ZDHHC11B: variants seen among roughly 807,000 people sequenced by gnomAD.
ZDHHC11B encodes zDHHC palmitoyltransferase 11B (putative), also known as probable palmitoyltransferase ZDHHC11B.
Under a neutral mutation model 42.3 loss-of-function variants are expected in ZDHHC11B, and 17 were observed. The observed-to-expected ratio is 0.40, with a 90% CI of 0.27 to 0.60. The LOEUF is 0.60. ZDHHC11B is among the 20% of genes least tolerant of loss of function. ZDHHC11B has a pLI of 0.41. For missense variants in ZDHHC11B, 262 were observed against 463.2 expected (o/e 0.57, Z 3.99); for synonymous variants, 123 against 193.5 (o/e 0.64, Z 3.02).
intron 6 of ZDHHC11B, among the ~76,000 whole-genome samples, chr5:753,588 G>C (rs1470062036): frequency 2.4e-3 from 350 of 145,840 alleles, no homozygotes; most frequent in African/African-American, 8.3e-3. Flanking sequence ...AGTCCAGAAG[G>C]AAGTGGCACC....
At chr5:784,479 G>A (rs576991072) in intron 1 of ZDHHC11B, among the ~76,000 whole-genome samples, 189 bp downstream of exon 1, 30 of 152,360 alleles carry the variant, frequency 2.0e-4, no homozygotes, top group African/African-American at 6.0e-4. Context: ...CACCGAGCCC[G>A]CAGCGCCGAA....
chr5:731,669 T>C (rs1743028619), intron 11 of ZDHHC11B, among the ~76,000 whole-genome samples: 1 of 151,956 alleles, frequency 6.6e-6, no homozygotes, highest in East Asian at 1.9e-4. Context: ...TTTCATTCTT[T>C]TACTGGTGAC....
rs182359100 is a variant in ZDHHC11B at position 748,093 on chromosome 5, T to C, written c.784+311A>G. The C allele has an allele frequency of 4.8e-4, 245 of 514,846 alleles. 2 individuals carry two copies. In the East Asian group the frequency reaches 9.8e-3, roughly 21 times the overall value. 31.9% of individuals were successfully genotyped at this position (514,846 alleles called of 1,614,324 possible). On this transcript the variant is annotated intron_variant, in intron 8 of 13. Coordinates refer to ENST00000508859, the MANE Select transcript of ZDHHC11B (RefSeq NM_001351303.2). ...TTGCCTAATAGATTCCATTCCATTT[T>C]CTCTGAACATTTTAAACTTGTTACT...
intron 1 of ZDHHC11B, among the ~76,000 whole-genome samples, chr5:775,592 G>A (rs1561202629): frequency 6.6e-6 from 1 of 151,862 alleles, no homozygotes; most frequent in Non-Finnish European, 1.5e-5. Flanking sequence ...TGCCTGGCAG[G>A]AGCCGATGCT....
At chr5:730,984 C>T (rs1168686036) in intron 11 of ZDHHC11B, among the ~76,000 whole-genome samples, 1 of 151,942 alleles carries the variant, frequency 6.6e-6, no homozygotes, top group Non-Finnish European at 1.5e-5. Flanking sequence ...ATTTCTTGTT[C>T]CAACGCCCCA....
intron 4 of ZDHHC11B, among the ~76,000 whole-genome samples, chr5:766,044 C>T (rs1459243326): frequency 2.0e-5 from 3 of 151,890 alleles, no homozygotes; most frequent in Admixed American, 6.6e-5. Flanking sequence ...ACATCCATGT[C>T]TCAGTGACCC....
rs1741640770 is a variant in ZDHHC11B at position 714,966 on chromosome 5, C to T, written c.*7+1835G>A. Among the ~76,000 whole-genome samples, 2 of 151,280 alleles carry T rather than the reference C, an allele frequency of 1.3e-5. 1 individual carries two copies. The highest frequency in any genetic ancestry group is 4.2e-4 in the South Asian group (2 of 4,774). On this transcript the variant is annotated intron_variant, in intron 13 of 13. Transcript: ENST00000508859. ...AAAGGGCCTGGAGCCTCCCCCAGCC[C>T]TTCGCCTCCTCTCTCTCCATGTGAT...
intron 12 of ZDHHC11B, among the ~76,000 whole-genome samples, chr5:720,232 T>TTG (rs1742083261): frequency 1.3e-5 from 2 of 151,798 alleles, no homozygotes; most frequent in South Asian, 4.2e-4. Flanking sequence ...TACAGTTAGA[T>TTG]TGTCAAGGCA....
chr5:728,352 CTTTGACT>C (rs1277386942), intron 12 of ZDHHC11B, among the ~76,000 whole-genome samples: 3 of 151,892 alleles, frequency 2.0e-5, no homozygotes, highest in Non-Finnish European at 2.9e-5. Flanking sequence ...TGCAAATGCC[CTTTGACT>C]TTTAAGTGTT....
At chr5:748,686 C>T (rs1444159249) in intron 7 of ZDHHC11B, 127 bp from the exon 8 acceptor site, 6 of 1,104,492 alleles carry the variant, frequency 5.4e-6, no homozygotes, top group African/African-American at 1.5e-5. Context: ...GGGATGCCTC[C>T]CTGCCCTGGT....
At chr5:727,887 A>C (rs1179540092) in intron 12 of ZDHHC11B, among the ~76,000 whole-genome samples, 2 of 151,810 alleles carry the variant, frequency 1.3e-5, no homozygotes, top group African/African-American at 4.8e-5. Context: ...CCCTGGAGTA[A>C]GAAAGACTTT....
intron 1 of ZDHHC11B, among the ~76,000 whole-genome samples, chr5:773,361 G>C (rs1180497325): frequency 6.6e-6 from 1 of 151,866 alleles, no homozygotes; most frequent in African/African-American, 2.4e-5. Flanking sequence ...TTCACCGTGA[G>C]GGAAAAGAAG....
intron 9 of ZDHHC11B, among the ~76,000 whole-genome samples, chr5:743,170 C>T: frequency 6.7e-6 from 1 of 149,000 alleles, no homozygotes; most frequent in Non-Finnish European, 1.5e-5. Context: ...AGTCAATTGA[C>T]CATAAATGAA....
At chr5:765,928 G>GT (rs1358753693) in intron 4 of ZDHHC11B, among the ~76,000 whole-genome samples, 1 of 151,920 alleles carries the variant, frequency 6.6e-6, no homozygotes, top group Non-Finnish European at 1.5e-5. Context: ...TCCCCACTGA[G>GT]GAAGGCTCTA....
chr5:736,959 C>T lies in ZDHHC11B; in HGVS notation c.936-3120G>A, dbSNP rs1408132570. Among the ~76,000 whole-genome samples, 11 of 137,546 alleles carry T rather than the reference C, an allele frequency of 8.0e-5. 1 individual carries two copies. Among genetic ancestry groups the T allele is most frequent in the African/African-American group, 1.9e-4 (7 of 37,146 alleles). 90.2% of individuals were successfully genotyped at this position (137,546 alleles called of 152,430 possible). ...AAACCCAACAGAAGAAAAGTAATAA[C>T]GAACATCAGAGCAGAACTAAATGAA... On this transcript the variant is annotated intron_variant, in intron 10 of 13. Coordinates refer to ENST00000508859, the MANE Select transcript of ZDHHC11B (RefSeq NM_001351303.2).
intron 1 of ZDHHC11B, among the ~76,000 whole-genome samples, chr5:773,458 C>T (rs1226491919): frequency 1.3e-5 from 2 of 151,910 alleles, no homozygotes; most frequent in East Asian, 1.9e-4. Context: ...ACCATCTCCA[C>T]GTGTGTGCCC....
rs546439748 is a variant in ZDHHC11B, at chr5:773,649, C to T, written c.-229-4719G>A. On this transcript the variant is annotated intron_variant, in intron 1 of 13. Transcript: ENST00000508859. ...GCCAGCACCTCCCTGGTAGGAGGGA[C>T]GTGCCCAGCCCTGCCCCGACCCAGG... Among the ~76,000 whole-genome samples, 558 of 151,830 alleles carry T rather than the reference C, an allele frequency of 3.7e-3. 14 individuals carry two copies. Among genetic ancestry groups the T allele is most frequent in the African/African-American group, 0.013 (536 of 41,304 alleles).
Position 784,373 on chromosome 5 carries a change from G to A in ZDHHC11B, c.-230+295C>T, listed in dbSNP as rs1331780460. Among the ~76,000 whole-genome samples the A allele has an allele frequency of 5.9e-5, 9 of 152,084 alleles. No homozygotes were observed. In the East Asian group the frequency reaches 1.7e-3, roughly 29 times the overall value. On this transcript the variant is annotated intron_variant, in intron 1 of 13. Transcript: ENST00000508859. ...GCCGCGAAGAAAGGCCAAAGCGCCAGGCACAGGGCCCGGAGAAAGTGACAG... is the reference window on the plus strand; with the variant it reads ...GCCGCGAAGAAAGGCCAAAGCGCCAAGCACAGGGCCCGGAGAAAGTGACAG...
At chr5:717,880 G>T (rs1160381944) in intron 12 of ZDHHC11B, among the ~76,000 whole-genome samples, 2 of 151,692 alleles carry the variant, frequency 1.3e-5, no homozygotes, top group African/African-American at 4.9e-5. Context: ...GCCAGGCAGT[G>T]ACTGCTGCTG....
Sources: gnomAD v4.1 joint callset for allele counts (sites outside exome capture counted in the v4.1 genomes callset) on GRCh38, gnomAD v4.1.1 for gene constraint, MANE v1.5 for transcripts, NCBI Gene and HGNC (gene_info 2026-07-23, HGNC 2026-07-21) for gene names.